ATG7: variants seen among roughly 807,000 people sequenced by gnomAD.
ATG7 encodes the protein ubiquitin-like modifier-activating enzyme ATG7.
In ATG7, 70 loss-of-function variants were observed where a neutral mutation model predicts 82.4. The ratio of observed to expected loss-of-function variants is 0.85; its 90% CI spans 0.70 to 1.04. The LOEUF (loss-of-function observed/expected upper bound fraction) is 1.04, where lower values mean the gene tolerates loss of function less well. ATG7 is among the 50% of genes least tolerant of loss of function. ATG7 has a pLI of 0.00. For missense variants in ATG7, 792 were observed against 864.3 expected, an observed-to-expected ratio of 0.92 and a Z score of 1.05; for synonymous variants, 287 against 313.0, an observed-to-expected ratio of 0.92 and a Z score of 0.88.
At chr3:11,345,281 C>T (rs1018404548) in intron 13 of ATG7, among the ~76,000 whole-genome samples, 4 of 152,056 alleles carry the variant, frequency 2.6e-5, no homozygotes, top group Non-Finnish European at 5.9e-5. Context: ...TGGTGGCAGG[C>T]GCCTGTGGTC....
the ATG7 span, among the ~76,000 whole-genome samples, chr3:11,563,980 G>A: frequency 3.3e-5 from 5 of 152,180 alleles, no homozygotes; most frequent in African/African-American, 7.2e-5. Flanking sequence ...CAGGGACACA[G>A]AGGCTCTTGC....
intron 14 of ATG7, among the ~76,000 whole-genome samples, chr3:11,349,164 C>G (rs1464122011): frequency 1.3e-5 from 2 of 152,058 alleles, no homozygotes; most frequent in Non-Finnish European, 2.9e-5. Flanking sequence ...TAGCTAGACA[C>G]ACAGCGCTGA....
intron 20 of ATG7, among the ~76,000 whole-genome samples, chr3:11,432,512 G>T (rs139029318): frequency 1.3e-5 from 2 of 151,998 alleles, no homozygotes; most frequent in Non-Finnish European, 2.9e-5. Flanking sequence ...GCTTGGGAGG[G>T]GGGGTAAAGG....
intron 9 of ATG7, among the ~76,000 whole-genome samples, chr3:11,325,095 A>G (rs2152743474): frequency 6.6e-6 from 1 of 152,364 alleles, no homozygotes; most frequent in East Asian, 1.9e-4. Context: ...TTTCTAGCCT[A>G]GGAACAACAA....
chr3:11,459,721 C>T (rs1007656843), intron 20 of ATG7, among the ~76,000 whole-genome samples: 4 of 152,050 alleles, frequency 2.6e-5, no homozygotes, highest in Admixed American at 2.0e-4. Flanking sequence ...AGCCTTTTGT[C>T]GAGGCAATAG....
chr3:11,448,827 G>A (rs750149933), intron 20 of ATG7, among the ~76,000 whole-genome samples: 1 of 152,152 alleles, frequency 6.6e-6, no homozygotes, highest in African/African-American at 2.4e-5. Flanking sequence ...GCCTCCTAGT[G>A]TTTTCTGTCC....
chr3:11,285,250 G>A (rs1228320859), intron 3 of ATG7, among the ~76,000 whole-genome samples: 2 of 147,574 alleles, frequency 1.4e-5, no homozygotes, highest in African/African-American at 5.0e-5. Flanking sequence ...CACAATCACG[G>A]CTCACTGCAG....
At chr3:11,386,607 C>T (rs973963786) in intron 19 of ATG7, among the ~76,000 whole-genome samples, 42 of 152,102 alleles carry the variant, frequency 2.8e-4, no homozygotes, top group African/African-American at 9.9e-4. Flanking sequence ...AAATATTACT[C>T]AAAACTGGGC....
intron 20 of ATG7, among the ~76,000 whole-genome samples, chr3:11,536,634 G>C (rs1216561156): frequency 6.6e-6 from 1 of 152,206 alleles, no homozygotes; most frequent in South Asian, 2.1e-4. Context: ...GCACTCTGGC[G>C]GGGAGTCCCG....
At chr3:11,513,658 C>T (rs1413794685) in intron 20 of ATG7, among the ~76,000 whole-genome samples, 1 of 152,242 alleles carries the variant, frequency 6.6e-6, no homozygotes, top group Non-Finnish European at 1.5e-5. Context: ...AGGGAGCCAG[C>T]TCCAACCTTG....
intron 1 of ATG7, among the ~76,000 whole-genome samples, chr3:11,278,839 T>C (rs1276346236): frequency 6.6e-6 from 1 of 152,206 alleles, no homozygotes; most frequent in Non-Finnish European, 1.5e-5. Context: ...GTTGGTGCTC[T>C]TTGAGGACTA....
At chr3:11,493,011 A>G (rs557576702) in intron 20 of ATG7, among the ~76,000 whole-genome samples, 4 of 152,380 alleles carry the variant, frequency 2.6e-5, no homozygotes, top group East Asian at 1.9e-4. Context: ...GCCCTCCACC[A>G]GCAAGGGCAA....
chr3:11,446,282 A>G (rs926260410), intron 20 of ATG7, among the ~76,000 whole-genome samples: 12 of 151,884 alleles, frequency 7.9e-5, no homozygotes, highest in Non-Finnish European at 1.3e-4. Flanking sequence ...ATCCATTTCA[A>G]CATTCTGTGA....
At chr3:11,331,649 A>G (rs565714642) in intron 10 of ATG7, among the ~76,000 whole-genome samples, 1 of 152,298 alleles carries the variant, frequency 6.6e-6, no homozygotes, top group East Asian at 1.9e-4. Context: ...ATTCTGTGCT[A>G]AAGATGTTTT....
the ATG7 span, among the ~76,000 whole-genome samples, chr3:11,567,297 G>A: frequency 3.9e-5 from 6 of 152,134 alleles, no homozygotes; most frequent in Non-Finnish European, 8.8e-5. Flanking sequence ...CTCAGTGAGC[G>A]CCAAGAGAAC....
chr3:11,394,345 A>G (rs1446204173), intron 19 of ATG7, among the ~76,000 whole-genome samples: 1 of 152,212 alleles, frequency 6.6e-6, no homozygotes, highest in Non-Finnish European at 1.5e-5. Flanking sequence ...TCTCTTACTG[A>G]AGTCACCTTA....
chr3:11,279,853 C>T (rs190891690), intron 1 of ATG7, among the ~76,000 whole-genome samples: 26 of 152,252 alleles, frequency 1.7e-4, no homozygotes, highest in Non-Finnish European at 3.5e-4. Context: ...TGTTTTACCT[C>T]CAAATTGCTA....
intron 19 of ATG7, among the ~76,000 whole-genome samples, chr3:11,395,636 A>G (rs2152881474): frequency 6.6e-6 from 1 of 152,278 alleles, no homozygotes; most frequent in East Asian, 1.9e-4. Context: ...AACCCAGCAG[A>G]TAATACCGTT....
At chr3:11,292,036 C>T (rs1043625595) in intron 3 of ATG7, among the ~76,000 whole-genome samples, 2 of 152,110 alleles carry the variant, frequency 1.3e-5, no homozygotes, top group Non-Finnish European at 2.9e-5. Flanking sequence ...AAGGCAGTGA[C>T]CCGTGAGTAT....
Sources: gnomAD v4.1 joint callset for allele counts (sites outside exome capture counted in the v4.1 genomes callset) on GRCh38, gnomAD v4.1.1 for gene constraint, MANE v1.5 for transcripts, NCBI Gene and HGNC (gene_info 2026-07-23, HGNC 2026-07-21) for gene names.